The following PCSK6 variants were observed in gnomAD, a reference collection of about 807,000 sequenced individuals.
PCSK6 encodes proprotein convertase subtilisin/kexin type 6.
In PCSK6, 85 loss-of-function variants were observed where a neutral mutation model predicts 123.3. That is an observed-to-expected ratio of 0.69 (90% confidence interval 0.58 to 0.83). PCSK6 has a LOEUF of 0.83. Ranked by LOEUF, PCSK6 falls within the 40% of genes least tolerant of loss-of-function variation. The probability of loss-of-function intolerance (pLI) is 0.00; values close to 1 mark genes in which losing one functional copy is unlikely to be tolerated. For synonymous variants in PCSK6, 508 were observed against 516.0 expected, an observed-to-expected ratio of 0.98 and a Z score of 0.21; for missense variants, 1,191 against 1,282.3, an observed-to-expected ratio of 0.93 and a Z score of 1.09.
intron 13 of PCSK6, among the ~76,000 whole-genome samples, chr15:101,337,730 T>C (rs997660094): frequency 6.6e-5 from 10 of 152,238 alleles, no homozygotes; most frequent in African/African-American, 2.4e-4. Flanking sequence ...AACATGTCTC[T>C]CTTGTTTGGT....
intron 2 of PCSK6, among the ~76,000 whole-genome samples, chr15:101,443,294 G>C (rs192600377): frequency 9.2e-5 from 14 of 152,254 alleles, no homozygotes; most frequent in Non-Finnish European, 2.9e-5. Context: ...GAATTGCTTA[G>C]AGTTTTTGTT....
At chr15:101,428,992 G>A (rs958982031) in intron 5 of PCSK6, among the ~76,000 whole-genome samples, 50 of 152,196 alleles carry the variant, frequency 3.3e-4, no homozygotes, top group South Asian at 4.1e-4. Flanking sequence ...CTGCAGGCTC[G>A]CGGGAGCTCT....
rs1301609156 is a variant in PCSK6 at position 101,431,649 on chromosome 15, T to C, written c.514-186A>G. Reference sequence around the variant, plus strand: ...ATCGAGAATCATGCAGACGGCTCCCTTGCTTTTTCTGCACCTGCAATCTAT... The same window carrying C: ...ATCGAGAATCATGCAGACGGCTCCCCTGCTTTTTCTGCACCTGCAATCTAT... On this transcript the variant is annotated intron_variant, in intron 3 of 21. Coordinates refer to ENST00000611716, the MANE Select transcript of PCSK6 (RefSeq NM_002570.5). 53 of 742,240 alleles carry C rather than the reference T, an allele frequency of 7.1e-5. 1 individual carries two copies. The East Asian group carries it at 1.4e-3, about 20-fold the overall frequency. The allele number at this position is 742,240 out of a possible 1,614,324, so 46.0% of individuals were successfully genotyped here.
chr15:101,362,034 G>A (rs1004653859), intron 13 of PCSK6, among the ~76,000 whole-genome samples: 2 of 138,820 alleles, frequency 1.4e-5, no homozygotes, highest in African/African-American at 5.5e-5. Context: ...TCAGCTCACT[G>A]CAAGCTCCAC....
chr15:101,342,714 C>T (rs1233851700), intron 13 of PCSK6, among the ~76,000 whole-genome samples: 5 of 152,188 alleles, frequency 3.3e-5, no homozygotes, highest in Non-Finnish European at 7.3e-5. Context: ...CCAGCCTGGC[C>T]AACATGGCAA....
chr15:101,462,128 A>G (rs1427578000), intron 1 of PCSK6, among the ~76,000 whole-genome samples: 1 of 152,228 alleles, frequency 6.6e-6, no homozygotes, highest in Non-Finnish European at 1.5e-5. Flanking sequence ...GGAAGAAATA[A>G]GGGACTTTAT....
chr15:101,443,337 G>A (rs1054341126), intron 2 of PCSK6, among the ~76,000 whole-genome samples: 1 of 152,170 alleles, frequency 6.6e-6, no homozygotes, highest in Non-Finnish European at 1.5e-5. Flanking sequence ...TATCTCCTGT[G>A]AGTATTGTGT....
At chr15:101,358,823 G>A (rs1291193912) in intron 13 of PCSK6, among the ~76,000 whole-genome samples, 1 of 152,196 alleles carries the variant, frequency 6.6e-6, no homozygotes, top group Non-Finnish European at 1.5e-5. Flanking sequence ...CCTCACCCTG[G>A]GAGGATCCAG....
rs563176051 is a variant in PCSK6, at chr15:101,311,225, C to T, written c.2699+2151G>A. On this transcript the variant is annotated intron_variant, in intron 20 of 21. Transcript: ENST00000611716. ...TCCTTGGTTCAAGCGATTCTCCTGC[C>T]TCAGCCTCCTGTAAGACTGGGATTA... is the stretch of plus-strand genomic sequence containing the variant. Among the ~76,000 whole-genome samples the T allele has an allele frequency of 1.8e-3, 267 of 152,066 alleles. 1 individual carries two copies. Among genetic ancestry groups the T allele is most frequent in the Non-Finnish European group, 3.0e-3 (203 of 67,968 alleles).
At chr15:101,380,076 T>C (rs979631089) in intron 11 of PCSK6, among the ~76,000 whole-genome samples, 10 of 152,192 alleles carry the variant, frequency 6.6e-5, no homozygotes, top group Admixed American at 2.6e-4. Flanking sequence ...AAGATGACTT[T>C]TCTTCAGAAA....
intron 1 of PCSK6, among the ~76,000 whole-genome samples, chr15:101,477,932 G>A: frequency 1.3e-5 from 2 of 152,210 alleles, no homozygotes; most frequent in East Asian, 3.8e-4. Context: ...TGAGCTCCAG[G>A]CCAGAGCCCT....
chr15:101,442,496 A>G (rs1034346892), intron 2 of PCSK6, among the ~76,000 whole-genome samples: 1 of 152,230 alleles, frequency 6.6e-6, no homozygotes, highest in Non-Finnish European at 1.5e-5. Flanking sequence ...ATTCAGGTAC[A>G]GAGCCCAGAG....
At chr15:101,460,249 G>A (rs1185067455) in intron 1 of PCSK6, among the ~76,000 whole-genome samples, 1 of 152,126 alleles carries the variant, frequency 6.6e-6, no homozygotes, top group African/African-American at 2.4e-5. Context: ...CTTCTAAAGA[G>A]GGGTCTTTCC....
chr15:101,323,650 T>C (rs1291510487), intron 17 of PCSK6, among the ~76,000 whole-genome samples: 1 of 151,844 alleles, frequency 6.6e-6, no homozygotes, highest in African/African-American at 2.4e-5. Context: ...GGAGAATTCC[T>C]TGAACCCAAG....
chr15:101,408,072 A>T (rs1484537802), intron 6 of PCSK6, among the ~76,000 whole-genome samples: 1 of 152,218 alleles, frequency 6.6e-6, no homozygotes, highest in Non-Finnish European at 1.5e-5. Flanking sequence ...ACAGGAAGCC[A>T]GTGAGAGCCG....
chr15:101,409,186 G>A (rs1030209385), intron 6 of PCSK6, among the ~76,000 whole-genome samples: 1 of 151,696 alleles, frequency 6.6e-6, no homozygotes, highest in Admixed American at 6.6e-5. Context: ...GGCTGAGCGC[G>A]GGGGCTCATG....
chr15:101,423,211 A>G (rs778471414), intron 6 of PCSK6, among the ~76,000 whole-genome samples: 2 of 152,110 alleles, frequency 1.3e-5, no homozygotes, highest in African/African-American at 2.4e-5. Context: ...CGGAAACAGT[A>G]AAAAAAGAGT....
At chr15:101,318,153 C>A (rs2040035245) in intron 19 of PCSK6, among the ~76,000 whole-genome samples, 166 bp downstream of exon 19, 1 of 152,260 alleles carries the variant, frequency 6.6e-6, no homozygotes, top group African/African-American at 2.4e-5. Flanking sequence ...CCCCACTCTC[C>A]CGGCCCCCAG....
chr15:101,408,980 C>G (rs114773587), intron 6 of PCSK6, among the ~76,000 whole-genome samples: 6 of 152,330 alleles, frequency 3.9e-5, no homozygotes, highest in African/African-American at 1.4e-4. Flanking sequence ...TTTTCCTTCC[C>G]AGAAACAGGG....
Sources: gnomAD v4.1 joint callset for allele counts (sites outside exome capture counted in the v4.1 genomes callset) on GRCh38, gnomAD v4.1.1 for gene constraint, MANE v1.5 for transcripts, NCBI Gene and HGNC (gene_info 2026-07-23, HGNC 2026-07-21) for gene names.